The following COMMD7 variants were observed in gnomAD, a reference collection of about 807,000 sequenced individuals.
COMMD7 encodes COMM domain containing 7.
In COMMD7, 28 loss-of-function variants were observed where a neutral mutation model predicts 34.8. That is an observed-to-expected ratio of 0.80 (90% CI 0.60 to 1.10). The LOEUF (loss-of-function observed/expected upper bound fraction) is 1.10, where lower values mean the gene tolerates loss of function less well. COMMD7 is among the 50% of genes least tolerant of loss of function. The pLI is 0.00. For missense variants in COMMD7, 211 were observed against 241.6 expected (o/e 0.87, Z 0.84); for synonymous variants, 80 against 86.4 (o/e 0.93, Z 0.41).
At chr20:32,729,533 C>T (rs1441513132) in intron 1 of COMMD7, among the ~76,000 whole-genome samples, 1 of 150,864 alleles carries the variant, frequency 6.6e-6, no homozygotes, top group Non-Finnish European at 1.5e-5. Context: ...GTAATCCCAG[C>T]ATTTTGGGAG....
intron 3 of COMMD7, among the ~76,000 whole-genome samples, chr20:32,718,450 G>A (rs910725547): frequency 4.6e-5 from 7 of 151,524 alleles, no homozygotes; most frequent in African/African-American, 1.7e-4. Flanking sequence ...TGTAATCACA[G>A]CACTTTGAGA....
At chr20:32,713,694 G>T (rs2093261052) in intron 3 of COMMD7, among the ~76,000 whole-genome samples, 1 of 152,156 alleles carries the variant, frequency 6.6e-6, no homozygotes, top group South Asian at 2.1e-4. Flanking sequence ...CCATGTGCCT[G>T]CACTGTGCTA....
rs1261598199 is a variant in COMMD7, at chr20:32,743,416, T to TCCACCG, written c.-31_-26dup. On this transcript the variant is annotated 5_prime_UTR_variant, in exon 1 of 9. Transcript: ENST00000278980. ...TGGCGCGCGCCCCAGCCCCGCAGGT[T>TCCACCG]CCACCGCCGCCGCCGCCCTGCTCAG... is the stretch of plus-strand genomic sequence containing the variant. 3 of 1,326,014 alleles carry TCCACCG rather than the reference T, an allele frequency of 2.3e-6. No individual in the cohort carries two copies. The highest frequency in any genetic ancestry group is 6.3e-5 in the East Asian group (2 of 31,524). 82.1% of individuals were successfully genotyped at this position (1,326,014 alleles called of 1,614,324 possible). A position where few individuals can be genotyped will look rare whatever the true frequency, so the allele number is the denominator to read the frequency against.
intron 3 of COMMD7, among the ~76,000 whole-genome samples, chr20:32,712,269 C>CAAAAAAA (rs56096713): frequency 9.7e-5 from 7 of 71,824 alleles, no homozygotes; most frequent in African/African-American, 1.2e-4. Flanking sequence ...GACTCCGTCT[C>CAAAAAAA]AAAAAAAAAA....
chr20:32,739,417 G>T (rs890763938), intron 1 of COMMD7, among the ~76,000 whole-genome samples: 2 of 152,000 alleles, frequency 1.3e-5, no homozygotes, highest in African/African-American at 4.8e-5. Flanking sequence ...AGGCTGAGGC[G>T]GGCGGATCAC....
chr20:32,712,902 C>G (rs926637045), intron 3 of COMMD7, among the ~76,000 whole-genome samples: 1 of 151,804 alleles, frequency 6.6e-6, no homozygotes, highest in Non-Finnish European at 1.5e-5. Flanking sequence ...TAGGCACGCA[C>G]CACCATGCCC....
intron 1 of COMMD7, among the ~76,000 whole-genome samples, chr20:32,728,867 A>G (rs990828217): frequency 2.0e-5 from 3 of 152,100 alleles, no homozygotes; most frequent in African/African-American, 7.2e-5. Flanking sequence ...ACCTGGCCTC[A>G]TATTTTCTTG....
chr20:32,715,496 A>AACAG (rs71299227), intron 3 of COMMD7, among the ~76,000 whole-genome samples: 1 of 149,750 alleles, frequency 6.7e-6, no homozygotes, highest in African/African-American at 2.5e-5. Context: ...AAAACAAACA[A>AACAG]AAAGAATAAA....
In COMMD7 at chr20:32,703,255, G is replaced by C. The variant is rs1013872053; in HGVS notation, c.*127C>G. 36 of 762,584 alleles carry C rather than the reference G, an allele frequency of 4.7e-5. No homozygotes were observed. The African/African-American group carries it at 5.3e-4, about 11-fold the overall frequency. 47.2% of individuals were successfully genotyped at this position (762,584 alleles called of 1,614,324 possible). ...TTTTTCAGAAACCCTTTGCACCTGG[G>C]CCCCATGGAGCCAGCAGGGCCCCAT... On this transcript the variant is annotated 3_prime_UTR_variant, in exon 9 of 9. Coordinates refer to ENST00000278980, the MANE Select transcript of COMMD7 (RefSeq NM_053041.3).
chr20:32,727,813 G>T, intron 3 of COMMD7, 80 bp downstream of exon 3: 2 of 1,203,728 alleles, frequency 1.7e-6, no homozygotes, highest in Non-Finnish European at 1.2e-6. Flanking sequence ...GGCCCACGGA[G>T]CATGCTTCAA....
rs1986348005 is a variant in COMMD7 at position 32,740,072 on chromosome 20, C to A, written c.84+3236G>T. Among the ~76,000 whole-genome samples the A allele has an allele frequency of 1.4e-5, 2 of 140,798 alleles. 1 individual carries two copies. The highest frequency in any genetic ancestry group is 5.1e-4 in the South Asian group (2 of 3,938). 92.4% of individuals were successfully genotyped at this position (140,798 alleles called of 152,430 possible). A position where few individuals can be genotyped will look rare whatever the true frequency, so the allele number is the denominator to read the frequency against. On this transcript the variant is annotated intron_variant, in intron 1 of 8. Coordinates refer to ENST00000278980, the MANE Select transcript of COMMD7 (RefSeq NM_053041.3). Reference sequence around the variant, plus strand: ...GTGGCTCACACCTGTAATCCCAAAACTTTGGGAGGCCGAGGTGGGCAGATC... The same window carrying A: ...GTGGCTCACACCTGTAATCCCAAAAATTTGGGAGGCCGAGGTGGGCAGATC...
At position 32,703,446 on chromosome 20, in the gene COMMD7, G is replaced by A; in HGVS notation, c.539C>T (p.Pro180Leu). Residue 180 changes from proline to leucine, a missense_variant, in exon 9 of 9, where the codon CCT (proline) becomes CTT (leucine). Coordinates refer to ENST00000278980, the MANE Select transcript of COMMD7 (RefSeq NM_053041.3). ...CTCGTGCAGGAAGCTGTAGAACTGA[G>A]GCAAGGTTAATTCTGGGGAGAGAAA... ...TENVYIELTL[P>L]QFYSFLHEME... The A allele has an allele frequency of 6.2e-7, 1 of 1,613,870 alleles. No individual in the cohort carries two copies. The highest frequency in any genetic ancestry group is 2.2e-5 in the East Asian group (1 of 44,876).
chr20:32,732,935 CAA>C (rs1247023221), intron 1 of COMMD7, among the ~76,000 whole-genome samples: 1 of 147,056 alleles, frequency 6.8e-6, no homozygotes, highest in Non-Finnish European at 1.5e-5. Context: ...GATTCCATCT[CAA>C]AAAAAAAGAA....
At chr20:32,706,190 C>G (rs2145708556) in intron 5 of COMMD7, among the ~76,000 whole-genome samples, 1 of 147,440 alleles carries the variant, frequency 6.8e-6, no homozygotes, top group East Asian at 2.0e-4. Flanking sequence ...GAGAGCGAAA[C>G]TCTGTCTCAA....
intron 3 of COMMD7, among the ~76,000 whole-genome samples, chr20:32,709,493 G>C (rs781419323): frequency 4.6e-5 from 7 of 151,902 alleles, no homozygotes; most frequent in Non-Finnish European, 1.0e-4. Flanking sequence ...GGAGGTTGCC[G>C]TGAGCCGAGA....
chr20:32,732,910 T>C (rs1017923721), intron 1 of COMMD7, among the ~76,000 whole-genome samples: 1 of 151,760 alleles, frequency 6.6e-6, no homozygotes, highest in African/African-American at 2.4e-5. Context: ...CACTCCAGCC[T>C]GGGCGACAGA....
chr20:32,722,083 C>T (rs1985196327), intron 3 of COMMD7, among the ~76,000 whole-genome samples: 1 of 148,820 alleles, frequency 6.7e-6, no homozygotes, highest in South Asian at 2.1e-4. Flanking sequence ...AATAAAAATA[C>T]AACTACAAAA....
Position 32,704,508 on chromosome 20 carries a change from AAAAG to A in COMMD7, c.428-23_428-20del. ...GATGTCACTGTGACAAAAAAAAAAA[AAAAG>A]AGAGAGAGAGAGAGAAATAACAAGT... On this transcript the variant is annotated intron_variant, in intron 6 of 8. Coordinates refer to ENST00000278980, the MANE Select transcript of COMMD7 (RefSeq NM_053041.3). The A allele has an allele frequency of 8.9e-6, 14 of 1,571,894 alleles. No individual in the cohort carries two copies. The highest frequency in any genetic ancestry group is 4.1e-5 in the African/African-American group (3 of 72,504).
chr20:32,708,081 A>G (rs1183620577), intron 3 of COMMD7, among the ~76,000 whole-genome samples: 1 of 152,158 alleles, frequency 6.6e-6, no homozygotes, highest in East Asian at 1.9e-4. Context: ...ACAATTCACA[A>G]GTCACTTCCA....
Sources: allele counts gnomAD v4.1 joint callset (sites outside exome capture counted in the v4.1 genomes callset), GRCh38; gene constraint gnomAD v4.1.1; transcripts MANE v1.5; gene names NCBI Gene and HGNC (gene_info 2026-07-23, HGNC 2026-07-21).